ST6GALNAC1: variants seen among roughly 807,000 people sequenced by gnomAD.
The protein encoded by ST6GALNAC1 is ST6 N-acetylgalactosaminide alpha-2,6-sialyltransferase 1.
A neutral mutation model predicts 56.8 loss-of-function variants in ST6GALNAC1; 45 were observed. The ratio of observed to expected loss-of-function variants is 0.79; its 90% CI spans 0.62 to 1.02. The LOEUF (loss-of-function observed/expected upper bound fraction) is 1.02. Ranked by LOEUF, ST6GALNAC1 falls within the 50% of genes least tolerant of loss-of-function variation. ST6GALNAC1 has a pLI of 0.00. For missense variants in ST6GALNAC1, 743 were observed against 754.8 expected (o/e 0.98, Z 0.18); for synonymous variants, 295 against 297.8 (o/e 0.99, Z 0.10).
Position 76,627,673 on chromosome 17 carries a change from C to A in ST6GALNAC1, c.832-90G>T, listed in dbSNP as rs1265654409. ...CCACTGCAGCAAGGGCTGGGGCTCG[C>A]AGTTTGGAAGGCGCGGCCTCTGCTA... On this transcript the variant is annotated intron_variant, in intron 2 of 8. Transcript: ENST00000156626. This position sits in a 1 kb window ranked among gnomAD's most constrained non-coding sequence, Gnocchi z 4.4. 1.5e-6 allele frequency: 2 copies of A among 1,311,130 alleles called. No homozygotes were observed. The highest frequency in any genetic ancestry group is 1.5e-5 in the African/African-American group (1 of 68,040). 81.2% of individuals were successfully genotyped at this position (1,311,130 alleles called of 1,614,324 possible).
intron 1 of ST6GALNAC1, among the ~76,000 whole-genome samples, chr17:76,635,177 T>C (rs1465706677): frequency 6.6e-6 from 1 of 152,142 alleles, no homozygotes; most frequent in African/African-American, 2.4e-5. Flanking sequence ...CTAGTGGGGA[T>C]GTTATTATGT....
intron 1 of ST6GALNAC1, among the ~76,000 whole-genome samples, chr17:76,636,979 G>T: frequency 6.6e-6 from 1 of 151,974 alleles, no homozygotes; most frequent in African/African-American, 2.4e-5. Flanking sequence ...CCCCAACCCC[G>T]TGCTCTCTGA....
chr17:76,626,446 C>T (rs572272263), intron 5 of ST6GALNAC1, 54 bp from the exon 6 acceptor site: 47 of 1,581,956 alleles, frequency 3.0e-5, no homozygotes, highest in South Asian at 2.3e-4. Context: ...GGACCACCAC[C>T]GAGGGTGGCC....
chr17:76,629,769 A>G (rs913704185), intron 1 of ST6GALNAC1, 58 bp from the exon 2 acceptor site: 63 of 1,306,788 alleles, frequency 4.8e-5, no homozygotes, highest in African/African-American at 1.4e-4. Flanking sequence ...GGTCAGAAGC[A>G]TAAGTAGTTT....
rs1188478155 is a variant in ST6GALNAC1, at chr17:76,626,675, AC to A, written c.1286del (p.Gly429ValfsTer31). The A allele has an allele frequency of 5.6e-6, 9 of 1,613,614 alleles. No individual in the cohort carries two copies. In the Admixed American group the frequency reaches 1.2e-4, roughly 21 times the overall value. Reference sequence around the variant, plus strand: ...CCTTCCCAAGAGGCACGTTCTTGAAACCCCGATTGCCCAATATAAGGAGTGA... The same window carrying A: ...CCTTCCCAAGAGGCACGTTCTTGAAACCCGATTGCCCAATATAAGGAGTGA... ...TQSLLILGNR[G>X]FKNVPLGKDV... is the part of the protein sequence containing the mutation. On this transcript the variant is annotated frameshift_variant, in exon 5 of 9. Transcript: ENST00000156626. LOFTEE classifies it high-confidence loss of function.
At chr17:76,639,645 A>ACACACG (rs1294464069) in intron 1 of ST6GALNAC1, among the ~76,000 whole-genome samples, 5 of 6,518 alleles carry the variant, frequency 7.7e-4, no homozygotes, top group African/African-American at 8.8e-4. Flanking sequence ...ATAAACACAC[A>ACACACG]CACACACACA....
intron 1 of ST6GALNAC1, among the ~76,000 whole-genome samples, chr17:76,641,534 T>C (rs1255526455): frequency 1.3e-5 from 2 of 152,076 alleles, no homozygotes; most frequent in Non-Finnish European, 2.9e-5. Context: ...ATCTGAGAAA[T>C]GCAAATTAAA....
chr17:76,624,120 C>T (rs201055048), downstream of ST6GALNAC1, among the ~76,000 whole-genome samples: 539 of 152,344 alleles, frequency 3.5e-3, 7 homozygotes, highest in African/African-American at 0.013. Flanking sequence ...CAAAGCAAAT[C>T]CCTGTCCCAT....
At chr17:76,636,439 G>A (rs1598304309) in intron 1 of ST6GALNAC1, among the ~76,000 whole-genome samples, 1 of 152,068 alleles carries the variant, frequency 6.6e-6, no homozygotes, top group Admixed American at 6.6e-5. Context: ...AAGGTCAGAG[G>A]ACCCTGCTTC....
intron 1 of ST6GALNAC1, among the ~76,000 whole-genome samples, chr17:76,634,106 C>T (rs1198955660): frequency 6.6e-6 from 1 of 152,198 alleles, no homozygotes; most frequent in East Asian, 1.9e-4. Flanking sequence ...ACCTGGGCTC[C>T]CGCCTTCTAT....
Position 76,629,021 on chromosome 17 carries a change from G to A in ST6GALNAC1, c.822C>T (p.Gly274=), listed in dbSNP as rs1047016425. The A allele has an allele frequency of 3.3e-6, 5 of 1,528,576 alleles. No individual in the cohort carries two copies. The South Asian group carries it at 3.9e-5, about 12-fold the overall frequency. The allele number at this position is 1,528,576 out of a possible 1,614,324, so 94.7% of individuals were successfully genotyped here. The change falls in exon 2 of 9, where the codon GGC becomes GGT. Residue 274 remains glycine, a synonymous_variant. Transcript: ENST00000156626. ...FEEKYSFEIG[G]LQTTCPDSVK... Reference sequence around the variant, plus strand: ...GGTGGCAAAAACTCACCGTCTGAAGGCCTCCTATTTCGAAGCTGTATTTTT... The same window carrying A: ...GGTGGCAAAAACTCACCGTCTGAAGACCTCCTATTTCGAAGCTGTATTTTT...
At chr17:76,631,020 G>A (rs755335680) in intron 1 of ST6GALNAC1, among the ~76,000 whole-genome samples, 2 of 151,522 alleles carry the variant, frequency 1.3e-5, no homozygotes, top group Admixed American at 6.6e-5. Flanking sequence ...TCAGCCTCTC[G>A]AGTAGCTGGG....
At chr17:76,619,534 C>G in the ST6GALNAC1 span, among the ~76,000 whole-genome samples, 1 of 152,080 alleles carries the variant, frequency 6.6e-6, no homozygotes, top group African/African-American at 2.4e-5. Flanking sequence ...ACAGGAGTCC[C>G]ATTTTCCTTA....
At chr17:76,623,796 C>A (rs1483332927), downstream of ST6GALNAC1, among the ~76,000 whole-genome samples, 1 of 152,154 alleles carries the variant, frequency 6.6e-6, no homozygotes, top group Non-Finnish European at 1.5e-5. Context: ...TCAGTATATT[C>A]TACTTTGGAC....
intron 1 of ST6GALNAC1, among the ~76,000 whole-genome samples, chr17:76,629,941 C>T (rs2075868440): frequency 6.6e-6 from 1 of 151,882 alleles, no homozygotes; most frequent in Non-Finnish European, 1.5e-5. Context: ...CGCCACCATG[C>T]CTGGCTAATT....
chr17:76,628,279 CTTCCTTCCTTCCGTCT>C (rs2075840662), intron 2 of ST6GALNAC1, among the ~76,000 whole-genome samples: 1 of 144,736 alleles, frequency 6.9e-6, no homozygotes, highest in Non-Finnish European at 1.5e-5. Context: ...TCCTTCCTTC[CTTCCTTCCTTCCGTCT>C]TTCCTTCCTT....
chr17:76,632,351 A>T lies in ST6GALNAC1; in HGVS notation c.132-2640T>A, dbSNP rs576127099. Among the ~76,000 whole-genome samples, 3 of 152,062 alleles carry T rather than the reference A, an allele frequency of 2.0e-5. No homozygotes were observed. In the South Asian group the frequency reaches 6.3e-4, roughly 32 times the overall value. On this transcript the variant is annotated intron_variant, in intron 1 of 8. Coordinates refer to ENST00000156626, the MANE Select transcript of ST6GALNAC1 (RefSeq NM_018414.5). The stretch of plus-strand genomic sequence containing the variant: ...GATGATGAGGCAGGGGTGGTTTTTG[A>T]CATCACACATCTCAGGCCACACATA...
rs1280304769 is a variant in ST6GALNAC1 at position 76,629,258 on chromosome 17, G to A, written c.585C>T (p.Leu195=). ...GCATTCTGTGCTGACTTTTGGGAATGAGCGTCTTGGCTGTGGTTGCCGCTT... is the reference window on the plus strand; with the variant it reads ...GCATTCTGTGCTGACTTTTGGGAATAAGCGTCTTGGCTGTGGTTGCCGCTT... ...QGKAATTAKT[L]IPKSQHRMLA... The change falls in exon 2 of 9, where the codon CTC becomes CTT. Residue 195 remains leucine (L), a synonymous_variant. Coordinates refer to ENST00000156626, the MANE Select transcript of ST6GALNAC1 (RefSeq NM_018414.5). 1.2e-6 allele frequency: 2 copies of A among 1,614,170 alleles called. No individual in the cohort carries two copies. Among genetic ancestry groups the A allele is most frequent in the East Asian group, 2.2e-5 (1 of 44,872 alleles).
downstream of ST6GALNAC1, among the ~76,000 whole-genome samples, chr17:76,622,832 C>T (rs140750503): frequency 2.4e-3 from 360 of 147,278 alleles, 1 homozygote; most frequent in Non-Finnish European, 4.3e-3. Flanking sequence ...CTTGCTCTAT[C>T]GCCCAGGCTG....
Sources: allele counts gnomAD v4.1 joint callset (sites outside exome capture counted in the v4.1 genomes callset), GRCh38; gene constraint gnomAD v4.1.1; non-coding constraint Gnocchi (gnomAD v3.1); transcripts MANE v1.5; gene names NCBI Gene and HGNC (gene_info 2026-07-23, HGNC 2026-07-21).